Variants in SATB2 observed in about 807,000 individuals in gnomAD.
The protein encoded by SATB2 is SATB homeobox 2, also known as DNA-binding protein SATB2.
A neutral mutation model predicts 73.4 loss-of-function variants in SATB2; 1 was observed. The observed-to-expected ratio is 0.01, with a 90% CI of 0.00 to 0.06. The LOEUF (loss-of-function observed/expected upper bound fraction) is 0.06. SATB2 is among the 10% of genes least tolerant of loss of function. The pLI, the probability that SATB2 is intolerant of heterozygous loss-of-function variation, is 1.00. For missense variants in SATB2, 459 were observed against 945.8 expected (o/e 0.49, Z 6.75); for synonymous variants, 397 against 367.0 (o/e 1.08, Z -0.93).
chr2:199,298,383 A>G (rs192778821), intron 10 of SATB2, among the ~76,000 whole-genome samples: 108 of 152,336 alleles, frequency 7.1e-4, no homozygotes, highest in African/African-American at 2.4e-3. Flanking sequence ...TGCTTCCAGC[A>G]GAGATAATGT....
intron 2 of SATB2, among the ~76,000 whole-genome samples, chr2:199,439,313 G>A (rs1453276743): frequency 6.6e-6 from 1 of 152,196 alleles, no homozygotes; most frequent in Non-Finnish European, 1.5e-5. Flanking sequence ...AGGAGGCCAG[G>A]CTTTCGCCTC....
chr2:199,460,293 A>G (rs1692446179), upstream of SATB2, among the ~76,000 whole-genome samples: 2 of 152,220 alleles, frequency 1.3e-5, no homozygotes, highest in African/African-American at 4.8e-5. This position sits in a 1 kb window ranked among gnomAD's most constrained non-coding sequence, Gnocchi z 4.0. Context: ...GTAAGTTTTG[A>G]GCAACAAACT....
At chr2:199,291,593 C>A (rs753034765) in intron 10 of SATB2, among the ~76,000 whole-genome samples, 2 of 152,108 alleles carry the variant, frequency 1.3e-5, no homozygotes, top group Non-Finnish European at 2.9e-5. Flanking sequence ...GCAACGAGTT[C>A]TATCAAACCT....
chr2:199,409,529 G>A lies in SATB2; in HGVS notation c.346+23809C>T, dbSNP rs556775470. 9.2e-5 allele frequency among the ~76,000 whole-genome samples: 14 copies of A among 152,192 alleles called. No homozygotes were observed. The South Asian group carries it at 1.5e-3, about 16-fold the overall frequency. ...CTGTAAGATATTGCATAGTTAATAC[G>A]ACTTCACTGAAGGAATAGCTTTTTC... On this transcript the variant is annotated intron_variant, in intron 3 of 10. Transcript: ENST00000417098.
intron 9 of SATB2, among the ~76,000 whole-genome samples, chr2:199,315,349 T>C (rs536810489): frequency 6.6e-6 from 1 of 152,166 alleles, no homozygotes; most frequent in South Asian, 2.1e-4. Context: ...CCAAACCACA[T>C]ACCAAAGGCT....
chr2:199,319,863 A>T (rs1202020354), intron 9 of SATB2, among the ~76,000 whole-genome samples: 2 of 152,140 alleles, frequency 1.3e-5, no homozygotes. Context: ...AGAAAAAAAC[A>T]ATCAGTGTCT....
At chr2:199,351,564 T>G (rs1320970049) in intron 6 of SATB2, among the ~76,000 whole-genome samples, 1 of 152,226 alleles carries the variant, frequency 6.6e-6, no homozygotes, top group Non-Finnish European at 1.5e-5. Context: ...AATTAAACTT[T>G]AAAGTACATA....
chr2:199,383,812 C>T (rs890824138), intron 3 of SATB2, among the ~76,000 whole-genome samples: 3 of 152,200 alleles, frequency 2.0e-5, no homozygotes, highest in Admixed American at 1.3e-4. Flanking sequence ...CACCACACTA[C>T]AGCCAGACAC....
At chr2:199,301,998 T>A (rs775031566) in intron 10 of SATB2, among the ~76,000 whole-genome samples, 3 of 152,196 alleles carry the variant, frequency 2.0e-5, no homozygotes, top group Admixed American at 6.5e-5. Flanking sequence ...TGGATTTTCA[T>A]GAAGTTCTAG....
chr2:199,434,146 T>C, intron 2 of SATB2, among the ~76,000 whole-genome samples: 1 of 152,124 alleles, frequency 6.6e-6, no homozygotes, highest in East Asian at 1.9e-4. Context: ...AAATAGGTTA[T>C]CAACTAGCCT....
At chr2:199,435,325 G>T (rs940606234) in intron 2 of SATB2, among the ~76,000 whole-genome samples, 18 of 151,714 alleles carry the variant, frequency 1.2e-4, no homozygotes, top group Admixed American at 1.1e-3. Context: ...TATAGGACAT[G>T]TAGCGAATAA....
chr2:199,373,975 G>A (rs1689523323), intron 5 of SATB2, among the ~76,000 whole-genome samples: 1 of 152,190 alleles, frequency 6.6e-6, no homozygotes, highest in South Asian at 2.1e-4. Context: ...TATATATGAT[G>A]AGCACATGCT....
chr2:199,380,329 TTC>T (rs1689732356), intron 5 of SATB2, 33 bp downstream of exon 5: 2 of 1,613,652 alleles, frequency 1.2e-6, no homozygotes, highest in East Asian at 2.2e-5. Flanking sequence ...CAATGGCTTC[TTC>T]TGTTTCCCAG....
chr2:199,440,522 GA>G (rs1553505317), intron 2 of SATB2, among the ~76,000 whole-genome samples: 3 of 151,904 alleles, frequency 2.0e-5, no homozygotes, highest in African/African-American at 4.8e-5. Context: ...AGAAACAGTA[GA>G]AAAAAAATTT....
At chr2:199,282,988 T>C (rs1692572122) in intron 10 of SATB2, among the ~76,000 whole-genome samples, 1 of 152,170 alleles carries the variant, frequency 6.6e-6, no homozygotes, top group Admixed American at 6.5e-5. Flanking sequence ...ACATTCTTTA[T>C]CAATGATTCT....
intron 9 of SATB2, among the ~76,000 whole-genome samples, chr2:199,313,100 T>C (rs1006314369): frequency 3.3e-5 from 5 of 152,148 alleles, no homozygotes; most frequent in Non-Finnish European, 7.4e-5. Context: ...ATAGAAACAA[T>C]GTCACTTTCC....
chr2:199,399,397 G>A (rs887685232), intron 3 of SATB2, among the ~76,000 whole-genome samples: 1 of 152,200 alleles, frequency 6.6e-6, no homozygotes, highest in East Asian at 1.9e-4. Context: ...TAATTTCCTA[G>A]TGTGGAGAGA....
Position 199,348,864 on chromosome 2 carries a change from T to C in SATB2, c.1010A>G (p.Gln337Arg). ...GATGGGTGGATGGTTCAGGAACTGCTGGTTGATGGCTTGAGGATGCTGGTG... is the reference window on the plus strand; with the variant it reads ...GATGGGTGGATGGTTCAGGAACTGCCGGTTGATGGCTTGAGGATGCTGGTG... ...LAHQHPQAIN[Q>R]QFLNHPPIPR... Residue 337 changes from glutamine (Q) to arginine (R), a missense_variant, in exon 7 of 11, where the codon CAG (glutamine) becomes CGG (arginine). Gln to Arg is a conservative substitution (Grantham distance 43, BLOSUM62 1). Transcript: ENST00000417098. 1 of 1,614,156 alleles carries C rather than the reference T, an allele frequency of 6.2e-7. No homozygotes were observed. Among genetic ancestry groups the C allele is most frequent in the Non-Finnish European group, 8.5e-7 (1 of 1,180,012 alleles).
Position 199,272,130 on chromosome 2 carries a change from C to G in SATB2, c.*81G>C. 3 of 1,412,746 alleles carry G rather than the reference C, an allele frequency of 2.1e-6. No individual in the cohort carries two copies. The highest frequency in any genetic ancestry group is 3.0e-6 in the Non-Finnish European group (3 of 1,006,856). 87.5% of individuals were successfully genotyped at this position (1,412,746 alleles called of 1,614,324 possible). On this transcript the variant is annotated 3_prime_UTR_variant, in exon 11 of 11. Transcript: ENST00000417098. This position sits in a 1 kb window ranked among gnomAD's most constrained non-coding sequence, Gnocchi z 6.7. ...AAAACCCAAAAACAAAAACAAAAAACAAACTAACAAAAAACTTTTAAAGAA... is the reference window on the plus strand; with the variant it reads ...AAAACCCAAAAACAAAAACAAAAAAGAAACTAACAAAAAACTTTTAAAGAA...
Sources: gnomAD v4.1 joint callset for allele counts (sites outside exome capture counted in the v4.1 genomes callset) on GRCh38, gnomAD v4.1.1 for gene constraint, Gnocchi (gnomAD v3.1) non-coding constraint, MANE v1.5 for transcripts, NCBI Gene and HGNC (gene_info 2026-07-23, HGNC 2026-07-21) for gene names.